The following CARMIL1 variants were observed in gnomAD, a reference collection of about 807,000 sequenced individuals.
CARMIL1 encodes the protein F-actin-uncapping protein LRRC16A.
Under a neutral mutation model 177.1 loss-of-function variants are expected in CARMIL1, and 90 were observed. The observed-to-expected ratio is 0.51, with a 90% CI of 0.43 to 0.61. CARMIL1 has a LOEUF of 0.61. Ranked by LOEUF, CARMIL1 falls within the 20% of genes least tolerant of loss-of-function variation. The probability of loss-of-function intolerance (pLI) is 0.00; values close to 1 mark genes in which losing one functional copy is unlikely to be tolerated. For missense variants in CARMIL1, 1,380 were observed against 1,667.0 expected, an observed-to-expected ratio of 0.83 and a Z score of 3.00; for synonymous variants, 577 against 606.2, an observed-to-expected ratio of 0.95 and a Z score of 0.71.
chr6:25,425,996 A>G (rs1796248813), intron 3 of CARMIL1, among the ~76,000 whole-genome samples: 1 of 152,178 alleles, frequency 6.6e-6, no homozygotes, highest in Non-Finnish European at 1.5e-5. Flanking sequence ...AAAGAAGGGA[A>G]AAACAACATT....
chr6:25,444,011 C>G (rs542165951), intron 5 of CARMIL1, among the ~76,000 whole-genome samples: 2 of 152,126 alleles, frequency 1.3e-5, no homozygotes, highest in Admixed American at 1.3e-4. Context: ...CCATGTTGGT[C>G]AGGCTGCTCT....
intron 2 of CARMIL1, among the ~76,000 whole-genome samples, chr6:25,338,754 A>G (rs1002077759): frequency 2.0e-5 from 3 of 152,334 alleles, no homozygotes; most frequent in Non-Finnish European, 2.9e-5. Context: ...GGTTATAACA[A>G]ACTATTTTGA....
At chr6:25,384,375 G>T (rs936287799) in intron 2 of CARMIL1, among the ~76,000 whole-genome samples, 1 of 152,228 alleles carries the variant, frequency 6.6e-6, no homozygotes, top group Admixed American at 6.5e-5. Flanking sequence ...AAAGGTGGCT[G>T]CCTCAATTAA....
chr6:25,447,482 A>G (rs938789874), intron 5 of CARMIL1, among the ~76,000 whole-genome samples: 1 of 152,228 alleles, frequency 6.6e-6, no homozygotes, highest in Non-Finnish European at 1.5e-5. Flanking sequence ...AATGACTGAG[A>G]GCATTGTATG....
At chr6:25,355,152 C>T (rs185675492) in intron 2 of CARMIL1, among the ~76,000 whole-genome samples, 49 of 152,266 alleles carry the variant, frequency 3.2e-4, no homozygotes, top group African/African-American at 1.2e-3. Context: ...CTTTGGTTTC[C>T]TACATAGGAC....
chr6:25,466,917 G>C (rs768513493), intron 9 of CARMIL1, among the ~76,000 whole-genome samples: 60 of 152,162 alleles, frequency 3.9e-4, no homozygotes, highest in Non-Finnish European at 6.3e-4. Context: ...TTTATTACAA[G>C]GCTGTGGTAC....
chr6:25,516,968 C>T (rs1312926010), intron 21 of CARMIL1, among the ~76,000 whole-genome samples: 1 of 152,094 alleles, frequency 6.6e-6, no homozygotes, highest in African/African-American at 2.4e-5. Flanking sequence ...GGGCATGGAA[C>T]TGGTTAGCAT....
intron 2 of CARMIL1, among the ~76,000 whole-genome samples, chr6:25,390,766 T>A (rs901407201): frequency 6.6e-6 from 1 of 152,116 alleles, no homozygotes; most frequent in Non-Finnish European, 1.5e-5. Context: ...TCTCGGCTCA[T>A]TGTCACCTCT....
Position 25,450,640 on chromosome 6 carries a change from T to C in CARMIL1, c.543T>C (p.Asp181=). 6.4e-7 allele frequency: 1 copy of C among 1,571,838 alleles called. No homozygotes were observed. The highest frequency in any genetic ancestry group is 8.7e-7 in the Non-Finnish European group (1 of 1,144,964). Residue 181 remains aspartate, a splice_region_variant and synonymous_variant, in exon 8 of 37, where the codon GAT becomes GAC. Transcript: ENST00000329474. ...TGACTGAATTATATTTCAAATAGGA[T>C]GTGGATACAATTTATCTTACCCAAG... is the stretch of plus-strand genomic sequence containing the variant. The part of the protein sequence containing the change: ...GFSYREEVQW[D]VDTIYLTQDT...
chr6:25,360,087 G>A (rs375681147), intron 2 of CARMIL1, among the ~76,000 whole-genome samples: 2 of 152,110 alleles, frequency 1.3e-5, no homozygotes, highest in South Asian at 2.1e-4. Context: ...TCAGCCTCCC[G>A]GAGGGGTGGG....
intron 2 of CARMIL1, among the ~76,000 whole-genome samples, chr6:25,397,727 T>C (rs1793541512): frequency 6.6e-6 from 1 of 152,146 alleles, no homozygotes; most frequent in Admixed American, 6.5e-5. Flanking sequence ...TTAACTCTAG[T>C]ATAGTTTCTT....
intron 2 of CARMIL1, among the ~76,000 whole-genome samples, chr6:25,304,626 C>T (rs1018709854): frequency 2.0e-5 from 3 of 152,164 alleles, no homozygotes; most frequent in East Asian, 1.9e-4. Context: ...GGTCACCTGC[C>T]GCTCACCTCC....
chr6:25,388,308 T>C (rs1792384866), intron 2 of CARMIL1: 1 of 152,144 alleles, frequency 6.6e-6, no homozygotes, highest in African/African-American at 2.4e-5. Flanking sequence ...AATGAAGGTA[T>C]TTAGCACACA....
At chr6:25,365,669 C>T (rs1260651883) in intron 2 of CARMIL1, among the ~76,000 whole-genome samples, 3 of 152,164 alleles carry the variant, frequency 2.0e-5, no homozygotes, top group African/African-American at 4.8e-5. Context: ...TCTCCTGCCT[C>T]AACCTCCTGA....
At chr6:25,356,704 A>G (rs1176726615) in intron 2 of CARMIL1, among the ~76,000 whole-genome samples, 1 of 152,228 alleles carries the variant, frequency 6.6e-6, no homozygotes, top group Non-Finnish European at 1.5e-5. Flanking sequence ...GGGGAGCTAC[A>G]TCACAGGTGT....
intron 31 of CARMIL1, among the ~76,000 whole-genome samples, chr6:25,584,082 C>T (rs1813404789): frequency 7.1e-6 from 1 of 141,412 alleles, no homozygotes; most frequent in Admixed American, 7.5e-5. Context: ...GACTGGAGTG[C>T]AGCGGCACAG....
Position 25,471,202 on chromosome 6 carries a change from G to A in CARMIL1, c.724G>A (p.Val242Met), listed in dbSNP as rs769813254. The A allele has an allele frequency of 3.1e-6, 5 of 1,613,316 alleles. No homozygotes were observed. The South Asian group carries it at 4.4e-5, about 14-fold the overall frequency. Reference sequence around the variant, plus strand: ...TGTCTGTGAACAGATCTTGAGGGTGGTGAGTAGGTCCAATCGACTGGAAGA... The same window carrying A: ...TGTCTGTGAACAGATCTTGAGGGTGATGAGTAGGTCCAATCGACTGGAAGA... Reference protein sequence around the residue: ...TDVCEQILRVVSRSNRLEELV... With the variant: ...TDVCEQILRVMSRSNRLEELV... The change falls in exon 10 of 37, where the codon GTG (valine) becomes ATG (methionine). Residue 242 changes from valine to methionine, a missense_variant. Val to Met is a conservative substitution (Grantham distance 21). Transcript: ENST00000329474.
At chr6:25,411,076 A>G (rs1310878501) in intron 2 of CARMIL1, among the ~76,000 whole-genome samples, 1 of 152,178 alleles carries the variant, frequency 6.6e-6, no homozygotes, top group East Asian at 1.9e-4. Flanking sequence ...TATGAACTTT[A>G]TAGTTATATT....
intron 2 of CARMIL1, among the ~76,000 whole-genome samples, chr6:25,381,225 T>G (rs1269332106): frequency 6.6e-6 from 1 of 152,210 alleles, no homozygotes; most frequent in Non-Finnish European, 1.5e-5. Flanking sequence ...AGTATTGAAA[T>G]AGGCAGTTAT....
Sources: gnomAD v4.1 joint callset for allele counts (sites outside exome capture counted in the v4.1 genomes callset) on GRCh38, gnomAD v4.1.1 for gene constraint, MANE v1.5 for transcripts, NCBI Gene and HGNC (gene_info 2026-07-23, HGNC 2026-07-21) for gene names.